QSER1: variants seen among roughly 807,000 people sequenced by gnomAD.
QSER1 encodes the protein glutamine and serine rich 1.
A neutral mutation model predicts 158.5 loss-of-function variants in QSER1; 49 were observed. The ratio of observed to expected loss-of-function variants is 0.31; its 90% CI spans 0.25 to 0.39. The LOEUF (loss-of-function observed/expected upper bound fraction) is 0.39. Ranked by LOEUF, QSER1 falls within the 10% of genes least tolerant of loss-of-function variation. The pLI, the probability that QSER1 is intolerant of heterozygous loss-of-function variation, is 1.00. For synonymous variants in QSER1, 650 were observed against 715.5 expected, an observed-to-expected ratio of 0.91 and a Z score of 1.46; for missense variants, 1,754 against 2,010.3, an observed-to-expected ratio of 0.87 and a Z score of 2.44.
At chr11:32,908,977 G>C (rs1278420897) in intron 1 of QSER1, among the ~76,000 whole-genome samples, 1 of 152,148 alleles carries the variant, frequency 6.6e-6, no homozygotes, top group African/African-American at 2.4e-5. Flanking sequence ...CTGGCCAACA[G>C]AGCGAAACCT....
intron 4 of QSER1, among the ~76,000 whole-genome samples, chr11:32,947,256 CT>C (rs1402651395): frequency 6.9e-6 from 1 of 145,596 alleles, no homozygotes; most frequent in Non-Finnish European, 1.5e-5. Flanking sequence ...GCTCCTCCCC[CT>C]GTTTTAATTA....
chr11:32,905,589 C>G (rs1448260394), intron 1 of QSER1, among the ~76,000 whole-genome samples: 1 of 152,150 alleles, frequency 6.6e-6, no homozygotes, highest in Non-Finnish European at 1.5e-5. Flanking sequence ...TAGAGATGGT[C>G]TTTTGCTATT....
At chr11:32,927,738 T>C (rs1413925700) in intron 2 of QSER1, among the ~76,000 whole-genome samples, 2 of 152,174 alleles carry the variant, frequency 1.3e-5, no homozygotes, top group Non-Finnish European at 2.9e-5. Context: ...GGAATATTTA[T>C]ATAATTAATA....
chr11:32,906,103 A>G (rs1305495137), intron 1 of QSER1, among the ~76,000 whole-genome samples: 1 of 136,592 alleles, frequency 7.3e-6, no homozygotes. Context: ...ACTATTTTTT[A>G]GTTTTTTTTT....
chr11:32,967,667 T>TA (rs1047956468), intron 9 of QSER1, among the ~76,000 whole-genome samples: 1 of 152,164 alleles, frequency 6.6e-6, no homozygotes, highest in Non-Finnish European at 1.5e-5. Context: ...TAAAACAACT[T>TA]AGACAGCCAT....
At chr11:32,930,498 T>A (rs1166725365) in intron 3 of QSER1, among the ~76,000 whole-genome samples, 2 of 152,042 alleles carry the variant, frequency 1.3e-5, no homozygotes, top group African/African-American at 4.8e-5. Context: ...GAAAAAAAAA[T>A]TTAATGGAGG....
chr11:32,906,104 GTTTTTT>G (rs374193235), intron 1 of QSER1, among the ~76,000 whole-genome samples: 1 of 118,442 alleles, frequency 8.4e-6, no homozygotes, highest in Non-Finnish European at 1.8e-5. Context: ...CTATTTTTTA[GTTTTTT>G]TTTTTTTTTT....
In QSER1 at chr11:32,932,815, G is replaced by C; in HGVS notation, c.1557G>C (p.Gln519His). ...CTCAGACTGTAACTCCTGAAAATCAGACGCTTAATTATTCATCTAATCAGC... is the reference window on the plus strand; with the variant it reads ...CTCAGACTGTAACTCCTGAAAATCACACGCTTAATTATTCATCTAATCAGC... ...GSSQTVTPEN[Q>H]TLNYSSNQQE... The change falls in exon 4 of 13, where the codon CAG becomes CAC. Residue 519 changes from glutamine (Q) to histidine (H), a missense_variant. Physicochemically the swap from Gln to His is conservative, Grantham distance 24. Coordinates refer to ENST00000650167, the MANE Select transcript of QSER1 (RefSeq NM_001076786.3). 2 of 1,613,940 alleles carry C rather than the reference G, an allele frequency of 1.2e-6. No homozygotes were observed. The highest frequency in any genetic ancestry group is 2.7e-5 in the African/African-American group (2 of 75,028).
chr11:32,936,021 G>T (rs762930489), intron 4 of QSER1, among the ~76,000 whole-genome samples: 1 of 152,074 alleles, frequency 6.6e-6, no homozygotes, highest in South Asian at 2.1e-4. Context: ...TTTACTCTGT[G>T]GCTAAGGGAG....
intron 4 of QSER1, among the ~76,000 whole-genome samples, chr11:32,951,214 C>T (rs781010651): frequency 6.6e-6 from 1 of 152,120 alleles, no homozygotes; most frequent in Non-Finnish European, 1.5e-5. Flanking sequence ...TTGAATGGTT[C>T]TGGCACCTTT....
chr11:32,928,011 T>C lies in QSER1; in HGVS notation c.372T>C (p.Thr124=). Reference sequence around the variant, plus strand: ...GTGTGAACAGTGCCAGCAGTAACACTAAAGAGTCTTCAGTGATGAATTTTC... The same window carrying C: ...GTGTGAACAGTGCCAGCAGTAACACCAAAGAGTCTTCAGTGATGAATTTTC... ...DTSVNSASSN[T]KESSVMNFLS... Residue 124 remains threonine, a synonymous_variant, in exon 3 of 13, where the codon ACT becomes ACC. Coordinates refer to ENST00000650167, the MANE Select transcript of QSER1 (RefSeq NM_001076786.3). 6.5e-7 allele frequency: 1 copy of C among 1,545,372 alleles called. No homozygotes were observed.
intron 7 of QSER1, 116 bp from the exon 8 acceptor site, chr11:32,957,753 A>G (rs914548365): frequency 1.4e-4 from 116 of 813,032 alleles, no homozygotes; most frequent in Admixed American, 9.1e-4. Flanking sequence ...TATATTTTGA[A>G]GGTATTGGTG....
At position 32,903,638 on chromosome 11, in the gene QSER1, G is replaced by A. The variant is rs532991814; in HGVS notation, c.209+10304G>A. Among the ~76,000 whole-genome samples the A allele has an allele frequency of 3.3e-5, 5 of 151,948 alleles. No homozygotes were observed. In the South Asian group the frequency reaches 6.3e-4, roughly 19 times the overall value. ...GTTTGTTTGTTTGTGAGACAGTCTT[G>A]CTCTGTCGCCCAGGCTGGAGTACAG... On this transcript the variant is annotated intron_variant, in intron 1 of 12. Transcript: ENST00000650167.
chr11:32,954,092 T>C lies in QSER1; in HGVS notation c.4413T>C (p.Asp1471=), dbSNP rs185923142. The change falls in exon 5 of 13, where the codon GAT becomes GAC. Residue 1471 remains aspartate, a synonymous_variant. Coordinates refer to ENST00000650167, the MANE Select transcript of QSER1 (RefSeq NM_001076786.3). ...CTGTTGCCATAGAAGGTTTTACAGA[T>C]GAGGAGGACACAGAAAGCGGAGGAG... is the stretch of plus-strand genomic sequence containing the variant. The part of the protein sequence containing the change: ...QDTVAIEGFT[D]EEDTESGGEG... The C allele has an allele frequency of 5.4e-5, 87 of 1,614,068 alleles. No homozygotes were observed. In the East Asian group the frequency reaches 1.1e-3, roughly 20 times the overall value.
At chr11:32,974,168 C>A (rs1163017186) in intron 11 of QSER1, among the ~76,000 whole-genome samples, 1 of 152,182 alleles carries the variant, frequency 6.6e-6, no homozygotes, top group African/African-American at 2.4e-5. Flanking sequence ...AGCCTATAAT[C>A]CCAGCACTTT....
chr11:32,963,923 T>G (rs1852676133), intron 8 of QSER1, among the ~76,000 whole-genome samples: 1 of 152,180 alleles, frequency 6.6e-6, no homozygotes, highest in South Asian at 2.1e-4. Context: ...TGCTTCAGCC[T>G]TCCAGAGTGC....
At chr11:32,954,262 C>T in intron 5 of QSER1, 83 bp downstream of exon 5, 1 of 1,461,014 alleles carries the variant, frequency 6.8e-7, no homozygotes, top group Non-Finnish European at 9.1e-7. Context: ...CAATAGCATG[C>T]ATCTACTTTG....
chr11:32,976,525 T>C lies in QSER1; in HGVS notation c.*51T>C. On this transcript the variant is annotated 3_prime_UTR_variant, in exon 13 of 13. Coordinates refer to ENST00000650167, the MANE Select transcript of QSER1 (RefSeq NM_001076786.3). ...TATAGCACTAATGAAATGGCAGATA[T>C]GGGGTGGTCAAAGATAATCAGATGT... The C allele has an allele frequency of 1.3e-6, 2 of 1,588,664 alleles. No homozygotes were observed. Among genetic ancestry groups the C allele is most frequent in the Non-Finnish European group, 1.7e-6 (2 of 1,165,702 alleles).
At chr11:32,910,150 C>T (rs1851748226) in intron 1 of QSER1, among the ~76,000 whole-genome samples, 1 of 152,212 alleles carries the variant, frequency 6.6e-6, no homozygotes, top group Admixed American at 6.5e-5. Context: ...CACTTCAGGC[C>T]TTTTCCTAAC....
Sources: gnomAD v4.1 joint callset for allele counts (sites outside exome capture counted in the v4.1 genomes callset) on GRCh38, gnomAD v4.1.1 for gene constraint, MANE v1.5 for transcripts, NCBI Gene and HGNC (gene_info 2026-07-23, HGNC 2026-07-21) for gene names.